The following PTPRM variants were observed in gnomAD, a reference collection of about 807,000 sequenced individuals.
The protein encoded by PTPRM is protein tyrosine phosphatase receptor type M.
PTPRM carries 47 observed loss-of-function variants against 186.7 expected under a neutral mutation model. The ratio of observed to expected loss-of-function variants is 0.25; its 90% CI spans 0.20 to 0.32. The LOEUF (loss-of-function observed/expected upper bound fraction) is 0.32, where lower values mean the gene tolerates loss of function less well. PTPRM is among the 10% of genes least tolerant of loss of function. PTPRM has a pLI of 1.00. For synonymous variants in PTPRM, 668 were observed against 674.9 expected, an observed-to-expected ratio of 0.99 and a Z score of 0.16; for missense variants, 1,494 against 1,865.0, an observed-to-expected ratio of 0.80 and a Z score of 3.66.
chr18:7,711,101 G>A (rs1397771240), intron 1 of PTPRM, among the ~76,000 whole-genome samples: 2 of 152,094 alleles, frequency 1.3e-5, no homozygotes, highest in Non-Finnish European at 2.9e-5. Flanking sequence ...TGCAGAAGGC[G>A]GGTGATTTCT....
chr18:8,232,746 C>T (rs1281770585), intron 14 of PTPRM, among the ~76,000 whole-genome samples: 1 of 152,098 alleles, frequency 6.6e-6, no homozygotes, highest in Admixed American at 6.5e-5. Context: ...AAGCTCCCCA[C>T]GACCCTATAT....
intron 14 of PTPRM, among the ~76,000 whole-genome samples, chr18:8,162,694 C>T (rs543289683): frequency 1.3e-5 from 2 of 152,250 alleles, no homozygotes; most frequent in African/African-American, 4.8e-5. Context: ...CCTTTTATGC[C>T]GGGTTTGAGG....
chr18:8,406,230 C>A lies in PTPRM; in HGVS notation c.*68C>A. The A allele has an allele frequency of 1.4e-6, 2 of 1,434,406 alleles. No individual in the cohort carries two copies. The highest frequency in any genetic ancestry group is 1.2e-5 in the South Asian group (1 of 82,184). The allele number at this position is 1,434,406 out of a possible 1,614,324, so 88.9% of individuals were successfully genotyped here. A position where few individuals can be genotyped will look rare whatever the true frequency, so the allele number is the denominator to read the frequency against. ...GCCAAGACGTTCCATGGTATTTGTG[C>A]AAAAGAGATGAAGACTTCTCAATAT... On this transcript the variant is annotated 3_prime_UTR_variant, in exon 33 of 33. Transcript: ENST00000580170.
chr18:8,262,865 A>G (rs1046321863), intron 19 of PTPRM, among the ~76,000 whole-genome samples: 1 of 152,196 alleles, frequency 6.6e-6, no homozygotes, highest in Admixed American at 6.5e-5. Context: ...TGATTTCTGC[A>G]TATTTAAACA....
intron 1 of PTPRM, among the ~76,000 whole-genome samples, chr18:7,657,019 C>A (rs370384938): frequency 1.4e-4 from 21 of 152,130 alleles, no homozygotes; most frequent in African/African-American, 4.8e-4. Flanking sequence ...CTGCTTCTTA[C>A]CAGCTCTACA....
chr18:8,290,016 C>T (rs189645422), intron 19 of PTPRM, among the ~76,000 whole-genome samples: 4 of 152,292 alleles, frequency 2.6e-5, no homozygotes, highest in South Asian at 2.1e-4. Context: ...CATCACTGTG[C>T]CTGAACTTCT....
chr18:8,272,208 T>TA (rs1254909341), intron 19 of PTPRM, among the ~76,000 whole-genome samples: 2,207 of 76,020 alleles, frequency 0.029, 31 homozygotes, highest in Middle Eastern at 0.083. Flanking sequence ...TCTGCCTCAA[T>TA]AAAAAAAAAA....
At chr18:8,121,418 T>A (rs909520306) in intron 13 of PTPRM, among the ~76,000 whole-genome samples, 1 of 152,210 alleles carries the variant, frequency 6.6e-6, no homozygotes, top group African/African-American at 2.4e-5. Context: ...CTGTATCATG[T>A]TAGAACTGAT....
At chr18:7,612,379 T>C (rs142122667) in intron 1 of PTPRM, among the ~76,000 whole-genome samples, 330 of 152,306 alleles carry the variant, frequency 2.2e-3, no homozygotes, top group African/African-American at 7.5e-3. Context: ...CATTTTTCAC[T>C]GCATCAGATA....
At chr18:7,597,716 C>T (rs1242118050) in intron 1 of PTPRM, among the ~76,000 whole-genome samples, 80 of 152,116 alleles carry the variant, frequency 5.3e-4, no homozygotes, top group Admixed American at 4.8e-3. Context: ...ATACATAGCT[C>T]GCATATCCAT....
chr18:8,218,602 G>A (rs1157022472), intron 14 of PTPRM, among the ~76,000 whole-genome samples: 1 of 152,196 alleles, frequency 6.6e-6, no homozygotes, highest in South Asian at 2.1e-4. Flanking sequence ...GGGACAAGGG[G>A]AGCCATGGGA....
chr18:8,399,360 T>G (rs550559858), intron 32 of PTPRM, among the ~76,000 whole-genome samples: 1 of 152,216 alleles, frequency 6.6e-6, no homozygotes, highest in Non-Finnish European at 1.5e-5. Flanking sequence ...ACGTAGCACC[T>G]AGCACGAGGG....
intron 19 of PTPRM, among the ~76,000 whole-genome samples, chr18:8,289,565 T>TATATATATACACATATATATATACAC (rs1199950221): frequency 1.0e-5 from 1 of 96,608 alleles, no homozygotes; most frequent in East Asian, 2.5e-4. Flanking sequence ...TATATACACA[T>TATATATATACACATATATATATACAC]ATATATATAT....
chr18:7,921,252 G>T (rs910743359), intron 4 of PTPRM, among the ~76,000 whole-genome samples: 2 of 151,886 alleles, frequency 1.3e-5, no homozygotes, highest in East Asian at 1.9e-4. Flanking sequence ...TCAGTATTTT[G>T]TAGATAATCT....
intron 5 of PTPRM, among the ~76,000 whole-genome samples, chr18:7,928,625 G>A (rs191197675): frequency 3.0e-4 from 46 of 152,122 alleles, no homozygotes; most frequent in Admixed American, 1.8e-3. Context: ...GGAAAAATAC[G>A]TTTTGCTCCT....
chr18:8,227,551 T>C (rs997067492), intron 14 of PTPRM, among the ~76,000 whole-genome samples: 1 of 152,212 alleles, frequency 6.6e-6, no homozygotes, highest in Admixed American at 6.5e-5. Flanking sequence ...AATATGCAAT[T>C]TTATCAGGCC....
At chr18:8,289,265 T>C (rs1256814669) in intron 19 of PTPRM, among the ~76,000 whole-genome samples, 1 of 151,664 alleles carries the variant, frequency 6.6e-6, no homozygotes, top group African/African-American at 2.4e-5. Context: ...ACAGGAAATA[T>C]ATGACATTGC....
In PTPRM at chr18:7,823,111, A is replaced by G. The variant is rs527366820; in HGVS notation, c.196+48840A>G. Among the ~76,000 whole-genome samples, 16 of 152,248 alleles carry G rather than the reference A, an allele frequency of 1.1e-4. 1 individual carries two copies. The South Asian group carries it at 3.3e-3, about 32-fold the overall frequency. On this transcript the variant is annotated intron_variant, in intron 2 of 32. Transcript: ENST00000580170. ...TCCTAATGTTTCTCCTATTTGTAGT[A>G]TCCGTTCTACTCTTGTTGCCCTATT...
intron 11 of PTPRM, among the ~76,000 whole-genome samples, chr18:8,097,206 T>C (rs2091056195): frequency 2.0e-5 from 3 of 152,236 alleles, no homozygotes; most frequent in African/African-American, 4.8e-5. Flanking sequence ...TATTATATTA[T>C]GCTTGTGAGG....
Sources: gnomAD v4.1 joint callset for allele counts (sites outside exome capture counted in the v4.1 genomes callset) on GRCh38, gnomAD v4.1.1 for gene constraint, MANE v1.5 for transcripts, NCBI Gene and HGNC (gene_info 2026-07-23, HGNC 2026-07-21) for gene names.